Variants in HARS1 observed in about 807,000 individuals in gnomAD.
HARS1 encodes histidyl-tRNA synthetase 1, also known as histidine--tRNA ligase, cytoplasmic.
HARS1 carries 45 observed loss-of-function variants against 63.6 expected under a neutral mutation model. The observed-to-expected ratio is 0.71, with a 90% CI of 0.56 to 0.91. The LOEUF (loss-of-function observed/expected upper bound fraction) is 0.91, where lower values mean the gene tolerates loss of function less well. HARS1 is among the 40% of genes least tolerant of loss of function. The pLI is 0.00. For missense variants in HARS1, 508 were observed against 643.2 expected, an observed-to-expected ratio of 0.79 and a Z score of 2.27; for synonymous variants, 205 against 247.1, an observed-to-expected ratio of 0.83 and a Z score of 1.60.
At chr5:140,686,440 T>C (rs1185836596) in intron 2 of HARS1, among the ~76,000 whole-genome samples, 1 of 152,110 alleles carries the variant, frequency 6.6e-6, no homozygotes, top group Non-Finnish European at 1.5e-5. Flanking sequence ...CGTTTCACCA[T>C]GTTGGCTAGG....
rs750413507 is a variant in HARS1, at chr5:140,674,646, C to CT, written c.1458+32dup. The CT allele has an allele frequency of 4.3e-6, 7 of 1,613,228 alleles. No homozygotes were observed. In the African/African-American group the frequency reaches 9.3e-5, roughly 22 times the overall value. On this transcript the variant is annotated intron_variant, in intron 12 of 12. Transcript: ENST00000504156. ...GGCCTGCCAAAATGGCATACATTCT[C>CT]TGTCCCTTAGCCTTCCTGCCCACCT...
In HARS1 at chr5:140,676,568, G is replaced by T; in HGVS notation, c.1194+86C>A. 1 of 1,409,914 alleles carries T rather than the reference G, an allele frequency of 7.1e-7. No homozygotes were observed. 87.3% of individuals were successfully genotyped at this position (1,409,914 alleles called of 1,614,324 possible). On this transcript the variant is annotated intron_variant, in intron 10 of 12. Transcript: ENST00000504156. This position sits in a 1 kb window ranked among gnomAD's most constrained non-coding sequence, Gnocchi z 4.1. ...TTCTGTGAGATGCTCCCTGCCCAAAGCAGCACCACTTGCTCCCTTGGAGAT... is the reference window on the plus strand; with the variant it reads ...TTCTGTGAGATGCTCCCTGCCCAAATCAGCACCACTTGCTCCCTTGGAGAT...
intron 2 of HARS1, among the ~76,000 whole-genome samples, chr5:140,687,268 C>CT (rs532779144): frequency 1.1e-4 from 16 of 152,312 alleles, no homozygotes; most frequent in African/African-American, 3.6e-4. Flanking sequence ...GTGGCTCAGC[C>CT]TAGCACTTTG....
chr5:140,682,573 G>C (rs1342941456), intron 3 of HARS1, among the ~76,000 whole-genome samples: 1 of 152,116 alleles, frequency 6.6e-6, no homozygotes, highest in Non-Finnish European at 1.5e-5. Context: ...TAGAGACAGG[G>C]GCTTGCTACA....
chr5:140,674,035 C>G lies in HARS1; in HGVS notation c.*222G>C. On this transcript the variant is annotated 3_prime_UTR_variant, in exon 13 of 13. Transcript: ENST00000504156. ...TTGTAGCCCAGGAGCACAGACTGGA[C>G]TAAGCCTCCTGGGCCTTGTATGAAA... 1.6e-6 allele frequency: 1 copy of G among 624,038 alleles called. No individual in the cohort carries two copies. The highest frequency in any genetic ancestry group is 2.8e-5 in the East Asian group (1 of 35,760). The allele number at this position is 624,038 out of a possible 1,614,324, so 38.7% of individuals were successfully genotyped here.
intron 12 of HARS1, 124 bp from the exon 13 acceptor site, chr5:140,674,452 A>G (rs911001564): frequency 9.6e-6 from 8 of 830,886 alleles, no homozygotes; most frequent in South Asian, 4.5e-5. Flanking sequence ...ACCTAATTAA[A>G]CACCTCAGGC....
intron 3 of HARS1, 94 bp downstream of exon 3, chr5:140,683,006 G>A: frequency 8.6e-7 from 1 of 1,164,720 alleles, no homozygotes. Flanking sequence ...CAACAGGAGT[G>A]GGCCCTTTGG....
chr5:140,691,211 T>C lies in HARS1; in HGVS notation c.90+4A>G, dbSNP rs776405841. 1 of 1,596,342 alleles carries C rather than the reference T, an allele frequency of 6.3e-7. No homozygotes were observed. The highest frequency in any genetic ancestry group is 8.5e-7 in the Non-Finnish European group (1 of 1,172,466). On this transcript the variant is annotated splice_donor_region_variant and intron_variant, in intron 1 of 12. Transcript: ENST00000504156. ...GGCCCTCTCCCCTGCTGCCTAAATC[T>C]CACCAGCTCGGCGCTGGCCTTCTGC...
In HARS1 at chr5:140,677,801, G is replaced by C. The variant is rs112113896; in HGVS notation, c.631-48C>G. On this transcript the variant is annotated intron_variant, in intron 6 of 12. Transcript: ENST00000504156. The stretch of plus-strand genomic sequence containing the variant: ...GAGGGGGGAATCTCTTTTCTTACAT[G>C]ACCTGCAATAGTCATGGTCACTTAG... 2,209 of 1,411,464 alleles carry C rather than the reference G, an allele frequency of 1.6e-3. 33 individuals are homozygous for C. In the African/African-American group the frequency reaches 0.028, roughly 18 times the overall value. The allele number at this position is 1,411,464 out of a possible 1,614,324, so 87.4% of individuals were successfully genotyped here.
intron 3 of HARS1, among the ~76,000 whole-genome samples, chr5:140,681,096 T>C (rs187897435): frequency 6.0e-4 from 91 of 152,220 alleles, no homozygotes; most frequent in Non-Finnish European, 9.3e-4. Context: ...ACTTACCAGG[T>C]TGGCAAAGAT....
In HARS1 at chr5:140,679,891, AAACAT is replaced by A; in HGVS notation, c.301-13_301-9del. On this transcript the variant is annotated splice_polypyrimidine_tract_variant and intron_variant, in intron 3 of 12. Coordinates refer to ENST00000504156, the MANE Select transcript of HARS1 (RefSeq NM_002109.6). The surrounding 1 kb of genome is among the most constrained non-coding windows in gnomAD (Gnocchi z 4.3). The stretch of plus-strand genomic sequence containing the variant: ...CTTTCCCATCAGTGTTTCCTGGAGA[AAACAT>A]AAATAAATGTGGTCATAATAATAAA... 6.9e-7 allele frequency: 1 copy of A among 1,441,012 alleles called. No homozygotes were observed. 89.3% of individuals were successfully genotyped at this position (1,441,012 alleles called of 1,614,324 possible).
At chr5:140,691,119 C>T in intron 1 of HARS1, 96 bp downstream of exon 1, 3 of 1,046,160 alleles carry the variant, frequency 2.9e-6, no homozygotes, top group Non-Finnish European at 2.9e-6. Context: ...CAAGACTGGT[C>T]GCTTCCCTCA....
At chr5:140,682,355 C>T (rs1758775907) in intron 3 of HARS1, among the ~76,000 whole-genome samples, 1 of 152,072 alleles carries the variant, frequency 6.6e-6, no homozygotes, top group Non-Finnish European at 1.5e-5. Context: ...GGTACAAACA[C>T]ACTGACTATG....
chr5:140,675,345 A>C, intron 10 of HARS1: 1 of 478,506 alleles, frequency 2.1e-6, no homozygotes. Flanking sequence ...CAGAATAAAT[A>C]ACTTAGGGCA....
At position 140,676,443 on chromosome 5, in the gene HARS1, G is replaced by T; in HGVS notation, c.1194+211C>A. On this transcript the variant is annotated intron_variant, in intron 10 of 12. Coordinates refer to ENST00000504156, the MANE Select transcript of HARS1 (RefSeq NM_002109.6). This position sits in a 1 kb window ranked among gnomAD's most constrained non-coding sequence, Gnocchi z 4.1. ...GCCCTGAAGGAAGTAGAGACCCAGAGCAGAGGATTGAGTGCAGAAAGATTA... is the reference window on the plus strand; with the variant it reads ...GCCCTGAAGGAAGTAGAGACCCAGATCAGAGGATTGAGTGCAGAAAGATTA... The T allele has an allele frequency of 1.7e-6, 1 of 600,996 alleles. No homozygotes were observed. The allele number at this position is 600,996 out of a possible 1,614,324, so 37.2% of individuals were successfully genotyped here.
intron 7 of HARS1, 71 bp from the exon 8 acceptor site, chr5:140,677,491 C>T (rs533257948): frequency 5.5e-6 from 7 of 1,283,998 alleles, no homozygotes; most frequent in East Asian, 4.6e-5. Context: ...GTACTGTCCT[C>T]GGGGAACCGT....
intron 2 of HARS1, among the ~76,000 whole-genome samples, chr5:140,688,359 T>C (rs1327046030): frequency 2.0e-5 from 3 of 151,948 alleles, no homozygotes; most frequent in African/African-American, 7.3e-5. Flanking sequence ...CATTAACATC[T>C]GCTATTCTTA....
intron 2 of HARS1, among the ~76,000 whole-genome samples, chr5:140,686,095 G>C (rs987466130): frequency 4.7e-5 from 7 of 149,266 alleles, no homozygotes. Flanking sequence ...CACCACGCCC[G>C]GCAAATTTTT....
In HARS1 at chr5:140,674,113, A is replaced by C. The variant is rs1048202727; in HGVS notation, c.*144T>G. 4 of 717,962 alleles carry C rather than the reference A, an allele frequency of 5.6e-6. No individual in the cohort carries two copies. Among genetic ancestry groups the C allele is most frequent in the Non-Finnish European group, 1.0e-5 (4 of 388,884 alleles). 44.5% of individuals were successfully genotyped at this position (717,962 alleles called of 1,614,324 possible). On this transcript the variant is annotated 3_prime_UTR_variant, in exon 13 of 13. Coordinates refer to ENST00000504156, the MANE Select transcript of HARS1 (RefSeq NM_002109.6). ...AGTAATAATCAATAAAATAACCATAATAAAAATCAAAGGCTCTGTTCTGAC... is the reference window on the plus strand; with the variant it reads ...AGTAATAATCAATAAAATAACCATACTAAAAATCAAAGGCTCTGTTCTGAC...
Sources: gnomAD v4.1 joint callset for allele counts (sites outside exome capture counted in the v4.1 genomes callset) on GRCh38, gnomAD v4.1.1 for gene constraint, Gnocchi (gnomAD v3.1) non-coding constraint, MANE v1.5 for transcripts, NCBI Gene and HGNC (gene_info 2026-07-23, HGNC 2026-07-21) for gene names.